Variants in SMIM31 observed in about 807,000 individuals in gnomAD.
SMIM31 encodes the protein small integral membrane protein 31.
chr4:164,763,885 G>A (rs1403280860), intron 1 of SMIM31, among the ~76,000 whole-genome samples: 2 of 152,030 alleles, frequency 1.3e-5, no homozygotes, highest in African/African-American at 4.8e-5. Context: ...AATAAAATTG[G>A]GAGGAAAAAA....
intron 2 of SMIM31, among the ~76,000 whole-genome samples, chr4:164,791,015 A>G (rs1733093542): frequency 6.6e-6 from 1 of 152,226 alleles, no homozygotes; most frequent in Non-Finnish European, 1.5e-5. Context: ...GAAAAACTCC[A>G]TATAATAATT....
At chr4:164,784,764 T>C (rs756306365) in intron 2 of SMIM31, among the ~76,000 whole-genome samples, 4 of 152,176 alleles carry the variant, frequency 2.6e-5, no homozygotes, top group East Asian at 1.9e-4. Context: ...GCTGGGCTCA[T>C]TGGACTAATT....
chr4:164,768,595 T>C (rs1490722615), intron 1 of SMIM31, among the ~76,000 whole-genome samples: 1 of 152,128 alleles, frequency 6.6e-6, no homozygotes, highest in African/African-American at 2.4e-5. Flanking sequence ...AGGACAAAAC[T>C]GGAGAATAGG....
In SMIM31 at chr4:164,784,163, G is replaced by A. The variant is rs550290140; in HGVS notation, c.112+13608G>A. On this transcript the variant is annotated intron_variant, in intron 2 of 2. Coordinates refer to ENST00000507311, the MANE Select transcript of SMIM31 (RefSeq NM_001352885.1). ...CTGGGAGTTGAGACTAATACTGTGGGAGTGGTAACTGCACATCAAGACTTT... is the reference window on the plus strand; with the variant it reads ...CTGGGAGTTGAGACTAATACTGTGGAAGTGGTAACTGCACATCAAGACTTT... 1.6e-4 allele frequency among the ~76,000 whole-genome samples: 25 copies of A among 152,336 alleles called. 1 individual carries two copies. The East Asian group carries it at 4.2e-3, about 26-fold the overall frequency.
intron 1 of SMIM31, among the ~76,000 whole-genome samples, chr4:164,755,197 C>T: frequency 6.6e-6 from 1 of 151,518 alleles, no homozygotes; most frequent in Admixed American, 6.6e-5. Flanking sequence ...TCCACAGCCA[C>T]AGCCAGGCAC....
chr4:164,784,325 T>C (rs556228605), intron 2 of SMIM31, among the ~76,000 whole-genome samples: 6 of 152,332 alleles, frequency 3.9e-5, no homozygotes, highest in African/African-American at 1.4e-4. Context: ...AACTGAACCC[T>C]GAAACAAACA....
intron 2 of SMIM31, among the ~76,000 whole-genome samples, chr4:164,785,549 A>G (rs1733016135): frequency 6.6e-6 from 1 of 152,060 alleles, no homozygotes; most frequent in Non-Finnish European, 1.5e-5. Flanking sequence ...GGTACCAAAT[A>G]TATTTTCTTT....
intron 2 of SMIM31, among the ~76,000 whole-genome samples, chr4:164,772,683 A>G (rs1175990743): frequency 6.7e-5 from 10 of 150,000 alleles, no homozygotes; most frequent in Admixed American, 2.7e-4. Flanking sequence ...GGTTCACGCC[A>G]TTCTCCTGCC....
At chr4:164,759,146 G>T (rs1242719767) in intron 1 of SMIM31, among the ~76,000 whole-genome samples, 1 of 151,932 alleles carries the variant, frequency 6.6e-6, no homozygotes, top group Non-Finnish European at 1.5e-5. Context: ...TGTACATTAA[G>T]AATATTAGTC....
intron 2 of SMIM31, among the ~76,000 whole-genome samples, chr4:164,773,199 G>A (rs2110936050): frequency 1.3e-5 from 2 of 152,244 alleles, no homozygotes; most frequent in Middle Eastern, 3.4e-3. Flanking sequence ...GAACTTGGTA[G>A]GGAGAAGGAG....
intron 2 of SMIM31, among the ~76,000 whole-genome samples, chr4:164,792,893 A>G (rs1733122005): frequency 6.6e-6 from 1 of 152,222 alleles, no homozygotes; most frequent in African/African-American, 2.4e-5. Context: ...AGTAATCAAT[A>G]CAGTGTAGCA....
intron 2 of SMIM31, among the ~76,000 whole-genome samples, chr4:164,790,316 T>C (rs989026618): frequency 6.6e-6 from 1 of 152,242 alleles, no homozygotes; most frequent in Non-Finnish European, 1.5e-5. Context: ...AAAAAATCCT[T>C]TTAAATGAAT....
chr4:164,772,905 A>C (rs966441074), intron 2 of SMIM31, among the ~76,000 whole-genome samples: 10 of 151,866 alleles, frequency 6.6e-5, no homozygotes, highest in Non-Finnish European at 1.5e-4. Context: ...ACTTTACCAT[A>C]GATCACTCAG....
chr4:164,770,498 A>G lies in SMIM31; in HGVS notation c.55A>G (p.Ile19Val), dbSNP rs1480874749. The G allele has an allele frequency of 2.5e-6, 1 of 398,650 alleles. No individual in the cohort carries two copies. The highest frequency in any genetic ancestry group is 3.6e-5 in the East Asian group (1 of 28,048). The allele number at this position is 398,650 out of a possible 1,614,324, so 24.7% of individuals were successfully genotyped here. ...GGCATTCATTTTATTGGCTTTTGTT[A>G]TCTTTTCCTTATTTACCCTGGCTTC... ...EMAFILLAFV[I>V]FSLFTLASIY... The change falls in exon 2 of 3, where the codon ATC (isoleucine) becomes GTC (valine). Residue 19 changes from isoleucine to valine, a missense_variant. Physicochemically the swap from Ile to Val is conservative, Grantham distance 29 (BLOSUM62 3). Transcript: ENST00000507311.
chr4:164,802,454 C>A lies in SMIM31; in HGVS notation c.*1260C>A. On this transcript the variant is annotated 3_prime_UTR_variant, in exon 3 of 3. Coordinates refer to ENST00000507311, the MANE Select transcript of SMIM31 (RefSeq NM_001352885.1). ...GCCTCTCTATGTTGCCTAGGCTGGT[C>A]TCCAAATCCTGGACTCAAGCGATCC... The A allele has an allele frequency of 6.6e-6, 1 of 152,390 alleles. No homozygotes were observed. Among genetic ancestry groups the A allele is most frequent in the South Asian group, 2.1e-4 (1 of 4,824 alleles). 9.4% of individuals were successfully genotyped at this position (152,390 alleles called of 1,614,324 possible). A position where few individuals can be genotyped will look rare whatever the true frequency, so the allele number is the denominator to read the frequency against.
chr4:164,756,020 A>C (rs1732556398), intron 1 of SMIM31, among the ~76,000 whole-genome samples: 1 of 152,188 alleles, frequency 6.6e-6, no homozygotes, highest in African/African-American at 2.4e-5. Context: ...TACCTTTTAA[A>C]GTTGAAGACC....
At chr4:164,800,217 T>C (rs2110969069) in intron 2 of SMIM31, among the ~76,000 whole-genome samples, 1 of 152,092 alleles carries the variant, frequency 6.6e-6, no homozygotes, top group South Asian at 2.1e-4. Context: ...ATGTTTTTCT[T>C]TTTCTTTTTT....
At chr4:164,793,541 T>A (rs1349041137) in intron 2 of SMIM31, among the ~76,000 whole-genome samples, 4 of 152,158 alleles carry the variant, frequency 2.6e-5, no homozygotes, top group Non-Finnish European at 5.9e-5. Context: ...AAGGTACTGG[T>A]CAAGTAGGTT....
At chr4:164,795,331 G>A (rs1560832762) in intron 2 of SMIM31, among the ~76,000 whole-genome samples, 2 of 152,158 alleles carry the variant, frequency 1.3e-5, no homozygotes. Flanking sequence ...GCCAAGGCTG[G>A]TGGATCACCT....
Sources: allele counts gnomAD v4.1 joint callset (sites outside exome capture counted in the v4.1 genomes callset), GRCh38; gene constraint gnomAD v4.1.1; transcripts MANE v1.5; gene names NCBI Gene and HGNC (gene_info 2026-07-23, HGNC 2026-07-21).